Variants in RFX7 observed in about 807,000 individuals in gnomAD.
RFX7 encodes the protein DNA-binding protein RFX7.
A neutral mutation model predicts 111.8 loss-of-function variants in RFX7; 26 were observed. The observed-to-expected ratio is 0.23, with a 90% CI of 0.17 to 0.32. The LOEUF (loss-of-function observed/expected upper bound fraction) is 0.32, where lower values mean the gene tolerates loss of function less well. RFX7 is among the 10% of genes least tolerant of loss of function. The probability of loss-of-function intolerance (pLI) is 1.00; values close to 1 mark genes in which losing one functional copy is unlikely to be tolerated. For missense variants in RFX7, 1,573 were observed against 1,772.9 expected, an observed-to-expected ratio of 0.89 and a Z score of 2.02; for synonymous variants, 624 against 624.4, an observed-to-expected ratio of 1.00 and a Z score of 0.01.
chr15:56,098,039 C>T (rs1567005770), intron 9 of RFX7, 42 bp downstream of exon 9: 1 of 1,572,910 alleles, frequency 6.4e-7, no homozygotes, highest in African/African-American at 1.4e-5. Flanking sequence ...CAGTTGATTT[C>T]CCACCATCCC....
intron 3 of RFX7, among the ~76,000 whole-genome samples, chr15:56,162,918 G>GAAA (rs1349168458): frequency 6.6e-6 from 1 of 151,978 alleles, no homozygotes; most frequent in Non-Finnish European, 1.5e-5. Flanking sequence ...TGAATAGAAA[G>GAAA]AAAAAATAAG....
intron 3 of RFX7, among the ~76,000 whole-genome samples, chr15:56,168,948 A>T (rs778231720): frequency 1.3e-5 from 2 of 152,198 alleles, no homozygotes; most frequent in Non-Finnish European, 2.9e-5. Context: ...TTGAATGCCT[A>T]ACTTTGGACT....
chr15:56,109,187 A>T (rs2041873564), intron 5 of RFX7, among the ~76,000 whole-genome samples: 1 of 152,168 alleles, frequency 6.6e-6, no homozygotes, highest in African/African-American at 2.4e-5. Flanking sequence ...CTGCGATTGC[A>T]GGCGCGCGCC....
At chr15:56,124,262 AAT>A (rs1434090695) in intron 5 of RFX7, among the ~76,000 whole-genome samples, 1 of 152,080 alleles carries the variant, frequency 6.6e-6, no homozygotes, top group Non-Finnish European at 1.5e-5. Context: ...CTCTACTAAA[AAT>A]ACAAAAAATT....
intron 3 of RFX7, among the ~76,000 whole-genome samples, chr15:56,152,269 CA>C (rs1444871776): frequency 2.6e-5 from 4 of 152,182 alleles, no homozygotes. Flanking sequence ...AGCACTTCAT[CA>C]CACTTATGCT....
intron 2 of RFX7, among the ~76,000 whole-genome samples, chr15:56,230,110 C>A (rs868725436): frequency 3.3e-4 from 50 of 152,272 alleles, no homozygotes; most frequent in Admixed American, 2.9e-3. Context: ...TAGGACCAAA[C>A]TTAAAAAAGC....
chr15:56,216,334 C>T (rs140402877), intron 2 of RFX7, among the ~76,000 whole-genome samples: 3,051 of 152,190 alleles, frequency 0.02, 49 homozygotes, highest in Non-Finnish European at 0.03. Flanking sequence ...AGTTAAAGGG[C>T]AATTAAGTTT....
At chr15:56,242,778 A>G (rs1487060979) in intron 2 of RFX7, among the ~76,000 whole-genome samples, 1 of 152,150 alleles carries the variant, frequency 6.6e-6, no homozygotes, top group Non-Finnish European at 1.5e-5. Flanking sequence ...GAGTAAACAC[A>G]TTTCACATTC....
At chr15:56,162,699 C>G (rs143884796) in intron 3 of RFX7, among the ~76,000 whole-genome samples, 6 of 151,514 alleles carry the variant, frequency 4.0e-5, no homozygotes, top group African/African-American at 1.4e-4. Flanking sequence ...GATACAATAA[C>G]TCAAGTGTTT....
rs562521172 is a variant in RFX7 at position 56,210,202 on chromosome 15, C to A, written c.162-30899G>T. On this transcript the variant is annotated intron_variant, in intron 2 of 9. Coordinates refer to ENST00000559447, the MANE Select transcript of RFX7 (RefSeq NM_022841.7). ...GTTAACATATTAATTTCAGATAAGG[C>A]AGGCTTCAAAGCAAGGGGAGCATTA... Among the ~76,000 whole-genome samples, 16 of 152,118 alleles carry A rather than the reference C, an allele frequency of 1.1e-4. 1 individual carries two copies. In the South Asian group the frequency reaches 2.5e-3, roughly 24 times the overall value.
chr15:56,238,187 C>T (rs1249871624), intron 2 of RFX7, among the ~76,000 whole-genome samples: 3 of 152,064 alleles, frequency 2.0e-5, no homozygotes, highest in Non-Finnish European at 4.4e-5. Flanking sequence ...TCTAGGATGG[C>T]GGACTGTAAT....
intron 5 of RFX7, among the ~76,000 whole-genome samples, chr15:56,116,374 T>C (rs561058450): frequency 1.3e-5 from 2 of 152,348 alleles, no homozygotes; most frequent in African/African-American, 4.8e-5. Flanking sequence ...ATGCAGTCAG[T>C]ACTCAATACA....
intron 2 of RFX7, among the ~76,000 whole-genome samples, chr15:56,241,270 G>A (rs1438250865): frequency 2.0e-5 from 3 of 152,000 alleles, no homozygotes; most frequent in Non-Finnish European, 4.4e-5. Context: ...TGTAATGGAT[G>A]TGCCAATATA....
At chr15:56,178,166 TACACACACACACACACAC>T (rs140828561) in intron 3 of RFX7, among the ~76,000 whole-genome samples, 9 of 119,656 alleles carry the variant, frequency 7.5e-5, no homozygotes, top group South Asian at 2.8e-4. Context: ...ACCAAAAAAC[TACACACACACACACACAC>T]ACACACACAC....
chr15:56,207,116 T>G (rs2043261638), intron 2 of RFX7, among the ~76,000 whole-genome samples: 2 of 152,136 alleles, frequency 1.3e-5, no homozygotes, highest in South Asian at 4.1e-4. Flanking sequence ...ATGTTACCCA[T>G]AAATACATAC....
intron 2 of RFX7, among the ~76,000 whole-genome samples, chr15:56,181,515 T>C (rs1470689089): frequency 1.3e-5 from 2 of 152,182 alleles, no homozygotes; most frequent in Non-Finnish European, 2.9e-5. Context: ...GTTTTGCTCA[T>C]TGCTGTATCA....
At chr15:56,179,384 T>A (rs1216342905) in intron 2 of RFX7, 81 bp from the exon 3 acceptor site, 1 of 533,898 alleles carries the variant, frequency 1.9e-6, no homozygotes, top group Non-Finnish European at 2.9e-6. Flanking sequence ...TGTGGTAATT[T>A]AGTCTTCCTT....
At chr15:56,183,431 G>A (rs1265870413) in intron 2 of RFX7, among the ~76,000 whole-genome samples, 2 of 151,564 alleles carry the variant, frequency 1.3e-5, no homozygotes, top group African/African-American at 2.4e-5. Context: ...ATCTTTAATC[G>A]GAATTTATTC....
At chr15:56,133,599 T>C (rs1420115746) in intron 5 of RFX7, among the ~76,000 whole-genome samples, 2 of 152,092 alleles carry the variant, frequency 1.3e-5, no homozygotes, top group Non-Finnish European at 2.9e-5. Flanking sequence ...GGATAATGAG[T>C]GCCTAATGAT....
Sources: gnomAD v4.1 joint callset for allele counts (sites outside exome capture counted in the v4.1 genomes callset) on GRCh38, gnomAD v4.1.1 for gene constraint, MANE v1.5 for transcripts, NCBI Gene and HGNC (gene_info 2026-07-23, HGNC 2026-07-21) for gene names.